Variants in GPBP1 observed in about 807,000 individuals in gnomAD.
GPBP1 encodes GC-rich promoter binding protein 1, also known as vasculin.
In GPBP1, 13 loss-of-function variants were observed where a neutral mutation model predicts 56.5. The ratio of observed to expected loss-of-function variants is 0.23; its 90% CI spans 0.15 to 0.37. The LOEUF is 0.37. Ranked by LOEUF, GPBP1 falls within the 10% of genes least tolerant of loss-of-function variation. The pLI, the probability that GPBP1 is intolerant of heterozygous loss-of-function variation, is 1.00. For missense variants in GPBP1, 477 were observed against 572.3 expected (o/e 0.83, Z 1.70); for synonymous variants, 204 against 188.9 (o/e 1.08, Z -0.66).
intron 2 of GPBP1, among the ~76,000 whole-genome samples, chr5:57,185,852 A>G (rs563869039): frequency 2.0e-5 from 3 of 151,658 alleles, no homozygotes; most frequent in Non-Finnish European, 4.4e-5. Context: ...GTATAAAAGT[A>G]AGCCTGGCAC....
chr5:57,186,436 T>A (rs572339844), intron 2 of GPBP1, among the ~76,000 whole-genome samples: 1 of 152,068 alleles, frequency 6.6e-6, no homozygotes, highest in African/African-American at 2.4e-5. Context: ...TGCTTTTGTG[T>A]CCTAAGAAAT....
At chr5:57,253,048 A>G (rs1338796178) in intron 10 of GPBP1, among the ~76,000 whole-genome samples, 1 of 152,196 alleles carries the variant, frequency 6.6e-6, no homozygotes, top group Non-Finnish European at 1.5e-5. Flanking sequence ...TTCCATCAGT[A>G]TAGTCTAAAG....
chr5:57,251,610 A>C (rs1741395730), intron 10 of GPBP1, among the ~76,000 whole-genome samples: 2 of 150,034 alleles, frequency 1.3e-5, no homozygotes, highest in Admixed American at 1.3e-4. Context: ...GCTCTAGTCC[A>C]ATCTACTTTT....
At chr5:57,231,008 C>A in intron 4 of GPBP1, 39 bp downstream of exon 4, 1 of 1,583,472 alleles carries the variant, frequency 6.3e-7, no homozygotes, top group Non-Finnish European at 8.6e-7. Context: ...GGCTAATTTT[C>A]TTTATGATTT....
Position 57,214,179 on chromosome 5 carries a change from C to T in GPBP1, c.49C>T (p.Pro17Ser), listed in dbSNP as rs780822599. The change falls in exon 3 of 12, where the codon CCA becomes TCA. Residue 17 changes from proline (P) to serine (S), a missense_variant. By Grantham distance (74) the Pro-to-Ser change is moderately conservative. This residue lies in a region of GPBP1 where 414 missense variants were observed against 458.2 expected (regional missense o/e 0.90). Transcript: ENST00000506184. Reference protein sequence around the residue: ...APAWLNFPTPPSSTKSSLNFE... With the variant: ...APAWLNFPTPSSSTKSSLNFE... ...AGCCTGGCTTAATTTCCCTACTCCA[C>T]CATCATCAACAAAGGTACTCTTTCT... The T allele has an allele frequency of 2.5e-6, 4 of 1,612,498 alleles. No homozygotes were observed. Among genetic ancestry groups the T allele is most frequent in the Admixed American group, 1.7e-5 (1 of 59,996 alleles).
rs61426559 is a variant in GPBP1, at chr5:57,200,021, CTTTTTTTTTTTTT to C, written c.-57-14037_-57-14025del. ...CTGCGCCTGGCCCTTACTTGAAAAT[CTTTTTTTTTTTTT>C]TTTTTTTTTTTTTTTCTGAAACAAG... is the stretch of plus-strand genomic sequence containing the variant. On this transcript the variant is annotated intron_variant, in intron 2 of 11. Coordinates refer to ENST00000506184, the MANE Select transcript of GPBP1 (RefSeq NM_022913.4). Among the ~76,000 whole-genome samples, 205 of 58,906 alleles carry C rather than the reference CTTTTTTTTTTTTT, an allele frequency of 3.5e-3. 3 individuals carry two copies. The highest frequency in any genetic ancestry group is 0.015 in the African/African-American group (185 of 12,602). The allele number at this position is 58,906 out of a possible 152,430, so 38.6% of individuals were successfully genotyped here.
chr5:57,244,713 ATTC>A (rs2111912826), intron 6 of GPBP1, among the ~76,000 whole-genome samples: 1 of 137,260 alleles, frequency 7.3e-6, no homozygotes, highest in Admixed American at 7.2e-5. Context: ...ATTATTTACT[ATTC>A]TTTGTTTGAG....
At chr5:57,214,311 C>A in intron 3 of GPBP1, 118 bp downstream of exon 3, 1 of 877,388 alleles carries the variant, frequency 1.1e-6, no homozygotes. Context: ...TGTGGCTGGG[C>A]GCGGTGGCTC....
chr5:57,193,210 A>T (rs1332104702), intron 2 of GPBP1, among the ~76,000 whole-genome samples: 3 of 152,052 alleles, frequency 2.0e-5, no homozygotes, highest in Non-Finnish European at 4.4e-5. Flanking sequence ...CCAGATACTC[A>T]GGAGGCTGAG....
chr5:57,204,611 G>A (rs1167468700), intron 2 of GPBP1, among the ~76,000 whole-genome samples: 1 of 151,978 alleles, frequency 6.6e-6, no homozygotes, highest in Non-Finnish European at 1.5e-5. Context: ...GAAAATTTTG[G>A]GTCAGTTATG....
chr5:57,253,740 A>G (rs1741497859), intron 10 of GPBP1, among the ~76,000 whole-genome samples: 1 of 152,040 alleles, frequency 6.6e-6, no homozygotes, highest in African/African-American at 2.4e-5. Context: ...AATAGTTTAT[A>G]TTTCTCCTGC....
chr5:57,241,476 A>G (rs903105983), intron 6 of GPBP1, among the ~76,000 whole-genome samples: 2 of 152,226 alleles, frequency 1.3e-5, no homozygotes, highest in African/African-American at 4.8e-5. Context: ...CTGTAATCCT[A>G]GCACTTTGGG....
intron 10 of GPBP1, among the ~76,000 whole-genome samples, chr5:57,259,424 C>T (rs536644439): frequency 4.3e-4 from 65 of 152,256 alleles, no homozygotes; most frequent in South Asian, 1.0e-3. Context: ...GGGACTTAAA[C>T]GTTTGTGGAA....
At chr5:57,248,826 T>C (rs1741226478) in intron 8 of GPBP1, 1 of 152,220 alleles carries the variant, frequency 6.6e-6, no homozygotes, top group Non-Finnish European at 1.5e-5. Context: ...ATACATACAT[T>C]AATGCCAACA....
rs1294807182 is a variant in GPBP1 at position 57,264,171 on chromosome 5, C to CT, written c.*1420dup. ...TGATGGGGAAATTAAAAACAACACA[C>CT]TAGCACACTCCCACAAAACTTGAGG... is the stretch of plus-strand genomic sequence containing the variant. On this transcript the variant is annotated 3_prime_UTR_variant, in exon 12 of 12. Coordinates refer to ENST00000506184, the MANE Select transcript of GPBP1 (RefSeq NM_022913.4). 6.6e-6 allele frequency: 1 copy of CT among 152,008 alleles called. No homozygotes were observed. Among genetic ancestry groups the CT allele is most frequent in the East Asian group, 1.9e-4 (1 of 5,194 alleles). The allele number at this position is 152,008 out of a possible 1,614,324, so 9.4% of individuals were successfully genotyped here.
At chr5:57,184,734 T>C (rs1037658547) in intron 2 of GPBP1, among the ~76,000 whole-genome samples, 1 of 152,168 alleles carries the variant, frequency 6.6e-6, no homozygotes, top group African/African-American at 2.4e-5. Flanking sequence ...AATCAGAATA[T>C]AGAATATTTT....
intron 2 of GPBP1, among the ~76,000 whole-genome samples, chr5:57,187,014 G>GTA (rs1033324364): frequency 2.0e-4 from 28 of 140,744 alleles, no homozygotes; most frequent in East Asian, 7.8e-4. Context: ...GTGTGTGTGT[G>GTA]TGTGTGTGTG....
intron 2 of GPBP1, among the ~76,000 whole-genome samples, chr5:57,199,375 C>T (rs763419083): frequency 3.3e-5 from 5 of 152,016 alleles, no homozygotes; most frequent in Non-Finnish European, 5.9e-5. Flanking sequence ...TGGGCGGAAC[C>T]TGATGAGACT....
chr5:57,211,150 A>G (rs1416303492), intron 2 of GPBP1, among the ~76,000 whole-genome samples: 1 of 151,408 alleles, frequency 6.6e-6, no homozygotes, highest in African/African-American at 2.4e-5. Flanking sequence ...TAGCCATAAC[A>G]ATACTGCCTT....
Sources: allele counts gnomAD v4.1 joint callset (sites outside exome capture counted in the v4.1 genomes callset), GRCh38; gene constraint gnomAD v4.1.1; regional missense constraint gnomAD v4.1.1; transcripts MANE v1.5; gene names NCBI Gene and HGNC (gene_info 2026-07-23, HGNC 2026-07-21).